WDR36: variants seen among roughly 807,000 people sequenced by gnomAD.
The protein encoded by WDR36 is WD repeat domain 36.
WDR36 carries 63 observed loss-of-function variants against 112.7 expected under a neutral mutation model. The observed-to-expected ratio is 0.56, with a 90% CI of 0.46 to 0.69. The LOEUF (loss-of-function observed/expected upper bound fraction) is 0.69. WDR36 is among the 30% of genes least tolerant of loss of function. WDR36 has a pLI of 0.00. For synonymous variants in WDR36, 410 were observed against 362.2 expected, an observed-to-expected ratio of 1.13 and a Z score of -1.50; for missense variants, 1,226 against 1,070.3, an observed-to-expected ratio of 1.15 and a Z score of -2.03.
chr5:111,096,874 C>T, intron 2 of WDR36: 1 of 460,678 alleles, frequency 2.2e-6, no homozygotes, highest in Non-Finnish European at 3.9e-6. Context: ...TAGGGAAGGA[C>T]AAGGTGATTT....
chr5:111,100,837 C>A, intron 5 of WDR36, 116 bp downstream of exon 5: 3 of 1,065,616 alleles, frequency 2.8e-6, no homozygotes, highest in Non-Finnish European at 4.0e-6. Context: ...GGAGGGTTGT[C>A]TATAAATAAC....
In WDR36 at chr5:111,110,340, A is replaced by T. The variant is rs60164325; in HGVS notation, c.1441+37A>T. ...TTTTCCTTGTTTTTTATTAATGTAG[A>T]TAGATACAAAACTAGTAGTGAAAGC... On this transcript the variant is annotated intron_variant, in intron 13 of 22. Coordinates refer to ENST00000513710, the MANE Select transcript of WDR36 (RefSeq NM_139281.3). 6.8e-5 allele frequency: 103 copies of T among 1,504,184 alleles called. No homozygotes were observed. The African/African-American group carries it at 1.2e-3, about 17-fold the overall frequency. 93.2% of individuals were successfully genotyped at this position (1,504,184 alleles called of 1,614,324 possible).
intron 4 of WDR36, 24 bp downstream of exon 4, chr5:111,098,863 C>CT: frequency 6.9e-7 from 1 of 1,444,264 alleles, no homozygotes; most frequent in Non-Finnish European, 9.7e-7. Flanking sequence ...CATTTATTTG[C>CT]TTTATCTTAG....
intron 13 of WDR36, 103 bp from the exon 14 acceptor site, chr5:111,110,685 A>C: frequency 7.9e-7 from 1 of 1,258,972 alleles, no homozygotes; most frequent in East Asian, 2.5e-5. Context: ...AGGATATTTA[A>C]GTGGCACCTT....
Position 111,127,927 on chromosome 5 carries a change from T to TG in WDR36, c.*1044_*1045insG, listed in dbSNP as rs886059770. ...TTTTTTATTTTGTTTTGTTTTGTTT[T>TG]TTTTTTTTTTTTTTTGGCTACACTT... On this transcript the variant is annotated 3_prime_UTR_variant, in exon 23 of 23. Transcript: ENST00000513710. 9,222 of 130,694 alleles carry TG rather than the reference T, an allele frequency of 0.071. 270 individuals are homozygous for TG. The highest frequency in any genetic ancestry group is 0.17 in the African/African-American group (5,046 of 29,752). 8.1% of individuals were successfully genotyped at this position (130,694 alleles called of 1,614,324 possible).
chr5:111,117,252 G>T (rs79310117), intron 16 of WDR36, among the ~76,000 whole-genome samples: 2,185 of 152,250 alleles, frequency 0.014, 91 homozygotes, highest in Admixed American at 0.082. Flanking sequence ...TGATGTGTGT[G>T]TGTTTGTTTC....
chr5:111,094,523 A>C (rs571197876), intron 1 of WDR36, among the ~76,000 whole-genome samples: 2 of 152,326 alleles, frequency 1.3e-5, no homozygotes, highest in East Asian at 3.9e-4. Context: ...ATTTCATGAC[A>C]TGAAAACTAT....
At chr5:111,114,419 A>C (rs972413954) in intron 16 of WDR36, among the ~76,000 whole-genome samples, 1 of 152,214 alleles carries the variant, frequency 6.6e-6, no homozygotes, top group Non-Finnish European at 1.5e-5. Context: ...ACATGAAAAC[A>C]GTTTGACCTT....
intron 12 of WDR36, 124 bp from the exon 13 acceptor site, chr5:111,110,065 G>T: frequency 1.4e-6 from 1 of 701,548 alleles, no homozygotes; most frequent in South Asian, 1.6e-5. Context: ...AACTAATGAA[G>T]CAATTCATTT....
chr5:111,111,417 A>G (rs2112579270), intron 15 of WDR36, 139 bp downstream of exon 15: 1 of 739,344 alleles, frequency 1.4e-6, no homozygotes, highest in South Asian at 1.6e-5. Flanking sequence ...ATTTTAAAGG[A>G]AAATTTTGAA....
intron 22 of WDR36, among the ~76,000 whole-genome samples, chr5:111,126,394 A>C (rs575552747): frequency 6.6e-6 from 1 of 152,196 alleles, no homozygotes; most frequent in African/African-American, 2.4e-5. Context: ...AAGGAGGTAG[A>C]TGATGCCGAT....
intron 4 of WDR36, among the ~76,000 whole-genome samples, chr5:111,099,441 GTTTTTTTTTGTTTTTTTTTTTGTTTT>G (rs1387690304): frequency 2.5e-4 from 25 of 98,244 alleles, no homozygotes; most frequent in Non-Finnish European, 3.9e-4. Context: ...TTGCCTCTTG[GTTTTTTTTTGTTTTTTTTTTTGTTTT>G]TTTTTTTTTT....
intron 13 of WDR36, 65 bp downstream of exon 13, chr5:111,110,368 G>T: frequency 7.6e-7 from 1 of 1,324,346 alleles, no homozygotes; most frequent in Non-Finnish European, 1.1e-6. Context: ...GTGAAAGCTG[G>T]TATGTATAAT....
chr5:111,105,423 C>A, intron 10 of WDR36, 63 bp downstream of exon 10: 4 of 1,457,460 alleles, frequency 2.7e-6, no homozygotes, highest in Non-Finnish European at 2.9e-6. Context: ...TTCTATGAAA[C>A]AACTGGAGGA....
At position 111,100,856 on chromosome 5, in the gene WDR36, C is replaced by A. The variant is rs1283454884; in HGVS notation, c.542+135C>A. ...GGTTGTCTATAAATAACAGTTGGTC[C>A]CCTGTATCAGAGGAGTCAATTAACC... On this transcript the variant is annotated intron_variant, in intron 5 of 22. Transcript: ENST00000513710. The A allele has an allele frequency of 7.4e-6, 6 of 814,328 alleles. No homozygotes were observed. In the Admixed American group the frequency reaches 1.2e-4, roughly 16 times the overall value. The allele number at this position is 814,328 out of a possible 1,614,324, so 50.4% of individuals were successfully genotyped here.
chr5:111,114,850 C>T (rs1182341573), intron 16 of WDR36, among the ~76,000 whole-genome samples: 3 of 151,948 alleles, frequency 2.0e-5, no homozygotes, highest in Non-Finnish European at 4.4e-5. Context: ...TTTCATTTTC[C>T]TGTTTAATAG....
At position 111,126,929 on chromosome 5, in the gene WDR36, A is replaced by G. The variant is rs772320996; in HGVS notation, c.*46A>G. ...AAAGACTTTCATATTAAATGGGTTCAATTGAACTCATTTCTTATTTTCCAA... is the reference window on the plus strand; with the variant it reads ...AAAGACTTTCATATTAAATGGGTTCGATTGAACTCATTTCTTATTTTCCAA... On this transcript the variant is annotated 3_prime_UTR_variant, in exon 23 of 23. Transcript: ENST00000513710. 2 of 1,497,066 alleles carry G rather than the reference A, an allele frequency of 1.3e-6. No individual in the cohort carries two copies. The highest frequency in any genetic ancestry group is 1.8e-6 in the Non-Finnish European group (2 of 1,109,480). 92.7% of individuals were successfully genotyped at this position (1,497,066 alleles called of 1,614,324 possible). A position where few individuals can be genotyped will look rare whatever the true frequency, so the allele number is the denominator to read the frequency against.
At chr5:111,101,141 C>G (rs895924911) in intron 5 of WDR36, among the ~76,000 whole-genome samples, 2 of 151,804 alleles carry the variant, frequency 1.3e-5, no homozygotes, top group Admixed American at 1.3e-4. Context: ...TGGAACCAAT[C>G]CCCCACAGGT....
At chr5:111,109,848 G>A (rs1217999480) in intron 12 of WDR36, among the ~76,000 whole-genome samples, 1 of 151,222 alleles carries the variant, frequency 6.6e-6, no homozygotes, top group African/African-American at 2.4e-5. Context: ...ATTAGGCGAT[G>A]GAATGTTTTA....
Sources: gnomAD v4.1 joint callset for allele counts (sites outside exome capture counted in the v4.1 genomes callset) on GRCh38, gnomAD v4.1.1 for gene constraint, MANE v1.5 for transcripts, NCBI Gene and HGNC (gene_info 2026-07-23, HGNC 2026-07-21) for gene names.